GRIN2B: variants seen among roughly 807,000 people sequenced by gnomAD.
GRIN2B encodes glutamate receptor ionotropic, NMDA 2B.
Under a neutral mutation model 114.5 loss-of-function variants are expected in GRIN2B, and 5 were observed. The ratio of observed to expected loss-of-function variants is 0.04; its 90% CI spans 0.02 to 0.09. The LOEUF (loss-of-function observed/expected upper bound fraction) is 0.09, where lower values mean the gene tolerates loss of function less well. Ranked by LOEUF, GRIN2B falls within the 10% of genes least tolerant of loss-of-function variation. The probability of loss-of-function intolerance (pLI) is 1.00; values close to 1 mark genes in which losing one functional copy is unlikely to be tolerated. For missense variants in GRIN2B, 1,108 were observed against 1,943.5 expected, an observed-to-expected ratio of 0.57 and a Z score of 8.08; for synonymous variants, 787 against 745.1, an observed-to-expected ratio of 1.06 and a Z score of -0.92.
At chr12:13,657,731 A>C (rs1009728151) in intron 5 of GRIN2B, among the ~76,000 whole-genome samples, 24 of 152,228 alleles carry the variant, frequency 1.6e-4, no homozygotes, top group African/African-American at 5.3e-4. Context: ...AAATACATGA[A>C]TCTAAATAGA....
At chr12:13,686,152 T>C (rs1019423665) in intron 4 of GRIN2B, among the ~76,000 whole-genome samples, 1 of 152,196 alleles carries the variant, frequency 6.6e-6, no homozygotes, top group African/African-American at 2.4e-5. Context: ...CAGTACATTA[T>C]GGCACTGTTT....
At position 13,949,721 on chromosome 12, in the gene GRIN2B, G is replaced by A. The variant is rs558491516; in HGVS notation, c.-19+30207C>T. Among the ~76,000 whole-genome samples, 5 of 152,280 alleles carry A rather than the reference G, an allele frequency of 3.3e-5. No homozygotes were observed. In the East Asian group the frequency reaches 9.6e-4, roughly 29 times the overall value. On this transcript the variant is annotated intron_variant, in intron 2 of 13. Transcript: ENST00000609686. ...GGAAGATCACAAACCACGATGCCAA[G>A]AAGTTGCATTCAATGTAGTGTATAT...
chr12:13,566,773 T>A lies in GRIN2B; in HGVS notation c.2598+252A>T, dbSNP rs571872238. 6.6e-5 allele frequency among the ~76,000 whole-genome samples: 10 copies of A among 152,334 alleles called. No individual in the cohort carries two copies. In the South Asian group the frequency reaches 2.1e-3, roughly 32 times the overall value. On this transcript the variant is annotated intron_variant, in intron 13 of 13. Coordinates refer to ENST00000609686, the MANE Select transcript of GRIN2B (RefSeq NM_000834.5). ...CAAATTTTCCATTTTGACAGATCTG[T>A]CAGTTCTTACAGAGAACCAACTGCC...
chr12:13,803,095 C>T (rs950819395), intron 3 of GRIN2B, among the ~76,000 whole-genome samples: 1 of 151,966 alleles, frequency 6.6e-6, no homozygotes, highest in Non-Finnish European at 1.5e-5. Flanking sequence ...TTTTCTCTTC[C>T]TTATAATTTT....
At chr12:13,602,528 C>T (rs1335997541) in intron 10 of GRIN2B, among the ~76,000 whole-genome samples, 4 of 152,164 alleles carry the variant, frequency 2.6e-5, no homozygotes, top group Non-Finnish European at 4.4e-5. Flanking sequence ...AAAGCATGGC[C>T]CCATTTCCTC....
chr12:13,718,937 A>C (rs73298361), intron 4 of GRIN2B, among the ~76,000 whole-genome samples: 3,529 of 152,128 alleles, frequency 0.023, 142 homozygotes, highest in African/African-American at 0.08. Flanking sequence ...CTTCATGCCA[A>C]AATATACCAA....
chr12:13,791,485 A>T (rs1380328099), intron 3 of GRIN2B, among the ~76,000 whole-genome samples: 1 of 151,338 alleles, frequency 6.6e-6, no homozygotes. Flanking sequence ...ATTCCATGTC[A>T]TGTGAAAGGC....
chr12:13,563,319 A>G lies in GRIN2B; in HGVS notation c.3919T>C (p.Phe1307Leu), dbSNP rs1420138541. Residue 1307 changes from phenylalanine to leucine, a missense_variant, in exon 14 of 14, where the codon TTC becomes CTC. Physicochemically the swap from Phe to Leu is conservative, Grantham distance 22. This residue lies in a region of GRIN2B where 478 missense variants were observed against 506.0 expected (regional missense o/e 0.94). Transcript: ENST00000609686. Reference sequence around the variant, plus strand: ...GCTTCTTCCTTCTGCAGGTCCACGAAGGTGTCGTAGGAGTGCTGCCGGCGC... The same window carrying G: ...GCTTCTTCCTTCTGCAGGTCCACGAGGGTGTCGTAGGAGTGCTGCCGGCGC... ...KLRRQHSYDT[F>L]VDLQKEEAAL... 6.2e-7 allele frequency: 1 copy of G among 1,614,132 alleles called. No individual in the cohort carries two copies. Among genetic ancestry groups the G allele is most frequent in the East Asian group, 2.2e-5 (1 of 44,862 alleles).
At chr12:13,813,854 CT>C (rs1280348317) in intron 3 of GRIN2B, among the ~76,000 whole-genome samples, 1 of 152,142 alleles carries the variant, frequency 6.6e-6, no homozygotes, top group Non-Finnish European at 1.5e-5. Flanking sequence ...GAGTTGCTTT[CT>C]TTTTTCCTTG....
Position 13,981,507 on chromosome 12 carries a change from A to C in GRIN2B, c.-613T>G, listed in dbSNP as rs1041511535. ...AAAGGATATGCATTCGGACGCCAGC[A>C]CTACTGGATGGTGGTGATCAAGAAT... is the stretch of plus-strand genomic sequence containing the variant. On this transcript the variant is annotated 5_prime_UTR_variant, in exon 1 of 14. Transcript: ENST00000609686. 1 of 152,070 alleles carries C rather than the reference A, an allele frequency of 6.6e-6. No individual in the cohort carries two copies. Among genetic ancestry groups the C allele is most frequent in the Non-Finnish European group, 1.5e-5 (1 of 68,044 alleles). 9.4% of individuals were successfully genotyped at this position (152,070 alleles called of 1,614,324 possible).
chr12:13,631,545 C>A (rs956775694), intron 5 of GRIN2B, among the ~76,000 whole-genome samples: 1 of 152,120 alleles, frequency 6.6e-6, no homozygotes, highest in Non-Finnish European at 1.5e-5. Context: ...AAGAAAAATA[C>A]TCAGTGTTTA....
Position 13,608,201 on chromosome 12 carries a change from A to G in GRIN2B, c.2010+402T>C, listed in dbSNP as rs189578614. Among the ~76,000 whole-genome samples, 1,191 of 152,236 alleles carry G rather than the reference A, an allele frequency of 7.8e-3. 10 individuals carry two copies. Among genetic ancestry groups the G allele is most frequent in the South Asian group, 0.044 (212 of 4,822 alleles). On this transcript the variant is annotated intron_variant, in intron 10 of 13. Transcript: ENST00000609686. ...ACCAAGGGAGAGCCCACAGCCAAAC[A>G]CCACTGGGAAGAAAAGGAGGCCATC...
intron 2 of GRIN2B, among the ~76,000 whole-genome samples, chr12:13,975,410 A>G (rs546729417): frequency 1.3e-5 from 2 of 152,364 alleles, no homozygotes; most frequent in Admixed American, 6.5e-5. Context: ...TTTCACTCTA[A>G]TCAATGGCAT....
chr12:13,648,753 A>G (rs1028107711), intron 5 of GRIN2B, among the ~76,000 whole-genome samples: 2 of 151,976 alleles, frequency 1.3e-5, no homozygotes, highest in African/African-American at 2.4e-5. Flanking sequence ...AAGTATAACA[A>G]ATCTCTGCCC....
intron 2 of GRIN2B, among the ~76,000 whole-genome samples, chr12:13,879,462 T>C (rs1459250226): frequency 6.6e-5 from 10 of 150,940 alleles, no homozygotes; most frequent in Non-Finnish European, 7.4e-5. Flanking sequence ...TGCAAAGAAA[T>C]ATATAACGTT....
intron 3 of GRIN2B, among the ~76,000 whole-genome samples, chr12:13,853,963 C>T (rs1019253654): frequency 6.6e-6 from 1 of 152,186 alleles, no homozygotes; most frequent in Non-Finnish European, 1.5e-5. Context: ...CTTGCAAAGT[C>T]TGTAGTCTAG....
chr12:13,775,884 TA>T (rs368700818), intron 3 of GRIN2B, among the ~76,000 whole-genome samples: 4 of 152,180 alleles, frequency 2.6e-5, no homozygotes, highest in Middle Eastern at 3.2e-3. Context: ...CTCAAAGACC[TA>T]AGAACAGAAG....
intron 3 of GRIN2B, among the ~76,000 whole-genome samples, chr12:13,850,991 G>A (rs1347722576): frequency 3.9e-5 from 6 of 152,128 alleles, no homozygotes; most frequent in African/African-American, 7.2e-5. Flanking sequence ...GCACCATTTC[G>A]TATAAAGAGT....
intron 5 of GRIN2B, among the ~76,000 whole-genome samples, chr12:13,646,132 T>C (rs1376746449): frequency 6.6e-6 from 1 of 152,118 alleles, no homozygotes; most frequent in African/African-American, 2.4e-5. Context: ...GCGGCAGATA[T>C]GAGAGGTAGT....
Sources: gnomAD v4.1 joint callset for allele counts (sites outside exome capture counted in the v4.1 genomes callset) on GRCh38, gnomAD v4.1.1 for gene constraint, gnomAD v4.1.1 regional missense constraint, MANE v1.5 for transcripts, NCBI Gene and HGNC (gene_info 2026-07-23, HGNC 2026-07-21) for gene names.